The following RMC1 variants were observed in gnomAD, a reference collection of about 807,000 sequenced individuals.
RMC1 encodes the protein regulator of MON1-CCZ1 complex.
RMC1 carries 44 observed loss-of-function variants against 95.5 expected under a neutral mutation model. The observed-to-expected ratio is 0.46, with a 90% confidence interval of 0.36 to 0.59. The LOEUF (loss-of-function observed/expected upper bound fraction) is 0.59. RMC1 is among the 20% of genes least tolerant of loss of function. RMC1 has a pLI of 0.00. For missense variants in RMC1, 705 were observed against 819.6 expected (o/e 0.86, Z 1.71); for synonymous variants, 320 against 303.6 (o/e 1.05, Z -0.56).
chr18:23,510,947 C>T (rs762224824), intron 5 of RMC1, among the ~76,000 whole-genome samples: 3 of 152,184 alleles, frequency 2.0e-5, no homozygotes, highest in Non-Finnish European at 4.4e-5. Flanking sequence ...AGCAGAACTA[C>T]TGTTTGACCT....
chr18:23,531,433 T>TAAG, intron 19 of RMC1, 192 bp from the exon 20 acceptor site: 1 of 1,204,468 alleles, frequency 8.3e-7, no homozygotes, highest in Non-Finnish European at 1.1e-6. Flanking sequence ...AAGGACAGGT[T>TAAG]AGATAGAATC....
In RMC1 at chr18:23,527,851, C is replaced by G. The variant is rs1327141572; in HGVS notation, c.1246C>G (p.Leu416Val). 2.5e-6 allele frequency: 4 copies of G among 1,614,106 alleles called. No individual in the cohort carries two copies. The highest frequency in any genetic ancestry group is 3.4e-6 in the Non-Finnish European group (4 of 1,180,014). ...CGTGATAGCCACTGTTTTTGATAAA[C>G]TCAACCATGAGTATAAAAAGTACCT... is the stretch of plus-strand genomic sequence containing the variant. ...LPVIATVFDK[L>V]NHEYKKYLDA... Residue 416 changes from leucine (L) to valine (V), a missense_variant, in exon 14 of 20, where the codon CTC becomes GTC. Leu to Val is a conservative substitution (Grantham distance 32). Coordinates refer to ENST00000269221, the MANE Select transcript of RMC1 (RefSeq NM_013326.5).
At chr18:23,513,959 C>A (rs915971786) in intron 5 of RMC1, among the ~76,000 whole-genome samples, 1 of 152,144 alleles carries the variant, frequency 6.6e-6, no homozygotes, top group African/African-American at 2.4e-5. Context: ...GTATTTTCTC[C>A]GAATCCGGAG....
chr18:23,527,634 C>T (rs748749771), intron 13 of RMC1, among the ~76,000 whole-genome samples, 161 bp from the exon 14 acceptor site: 8 of 137,594 alleles, frequency 5.8e-5, no homozygotes, highest in South Asian at 2.2e-4. Context: ...AAAGGGGTTG[C>T]GAATGACATC....
In RMC1 at chr18:23,509,196, A is replaced by G. The variant is rs769786166; in HGVS notation, c.325A>G (p.Lys109Glu). 1.5e-6 allele frequency: 2 copies of G among 1,379,200 alleles called. No individual in the cohort carries two copies. The highest frequency in any genetic ancestry group is 1.9e-6 in the Non-Finnish European group (2 of 1,053,156). 85.4% of individuals were successfully genotyped at this position (1,379,200 alleles called of 1,614,324 possible). Residue 109 changes from lysine (K) to glutamate (E), a missense_variant, in exon 5 of 20, where the codon AAG (lysine) becomes GAG (glutamate). Coordinates refer to ENST00000269221, the MANE Select transcript of RMC1 (RefSeq NM_013326.5). ...ATTTTTAAAAAATTTTTCTTAGACT[A>G]AGAATGCCAACATTCTAGGATTCTG... ...QLEYTQECKTKNANILGFCWT... is the reference protein window; with the variant it reads ...QLEYTQECKTENANILGFCWT...
chr18:23,514,328 G>A lies in RMC1; in HGVS notation c.409-1528G>A, dbSNP rs148815780. 3.4e-3 allele frequency among the ~76,000 whole-genome samples: 513 copies of A among 152,268 alleles called. 4 individuals are homozygous for A. The highest frequency in any genetic ancestry group is 0.012 in the African/African-American group (491 of 41,556). On this transcript the variant is annotated intron_variant, in intron 5 of 19. Coordinates refer to ENST00000269221, the MANE Select transcript of RMC1 (RefSeq NM_013326.5). ...TCAGGAGTTCGAGACCAGCCTGGCC[G>A]CCATGGCGAAACCCCGTCTCTATTA...
intron 2 of RMC1, 66 bp downstream of exon 2, chr18:23,504,513 T>C: frequency 6.9e-7 from 1 of 1,444,154 alleles, no homozygotes; most frequent in South Asian, 1.1e-5. Context: ...CTAATTCAAA[T>C]GGTTTTTTAT....
intron 10 of RMC1, among the ~76,000 whole-genome samples, chr18:23,523,403 C>T (rs569554022): frequency 2.6e-5 from 4 of 152,018 alleles, no homozygotes; most frequent in Admixed American, 6.6e-5. Flanking sequence ...AATGGATAAT[C>T]GAACTAATTA....
intron 16 of RMC1, 26 bp from the exon 17 acceptor site, chr18:23,530,000 TTC>T: frequency 6.3e-7 from 1 of 1,574,984 alleles, no homozygotes; most frequent in Non-Finnish European, 8.7e-7. Flanking sequence ...TTTGGAAGTG[TTC>T]TTTCACTTTT....
chr18:23,505,308 C>T (rs964711442), intron 2 of RMC1, among the ~76,000 whole-genome samples: 7 of 152,148 alleles, frequency 4.6e-5, no homozygotes, highest in Admixed American at 6.5e-5. Context: ...ACGATCCGCC[C>T]GCCTCAGACT....
intron 2 of RMC1, among the ~76,000 whole-genome samples, chr18:23,505,846 G>C (rs367998786): frequency 2.5e-4 from 38 of 152,200 alleles, no homozygotes; most frequent in African/African-American, 8.7e-4. Context: ...GTTTGTGGGT[G>C]GGGGGAAGGT....
intron 3 of RMC1, 121 bp from the exon 4 acceptor site, chr18:23,507,864 G>C: frequency 1.3e-6 from 1 of 777,144 alleles, no homozygotes; most frequent in Non-Finnish European, 1.8e-6. Flanking sequence ...GTTGTCTTCA[G>C]TTATTTTCTG....
chr18:23,525,147 T>C (rs2058260294), intron 12 of RMC1, among the ~76,000 whole-genome samples: 1 of 151,398 alleles, frequency 6.6e-6, no homozygotes, highest in Non-Finnish European at 1.5e-5. Context: ...GGTTTTTCCA[T>C]GTTGGTCAGG....
At chr18:23,513,699 C>T (rs570622113) in intron 5 of RMC1, among the ~76,000 whole-genome samples, 25 of 152,318 alleles carry the variant, frequency 1.6e-4, no homozygotes, top group Middle Eastern at 3.4e-3. Context: ...TCCTCACCAA[C>T]ACTTGCTGTT....
In RMC1 at chr18:23,505,817, A is replaced by G. The variant is rs186161337; in HGVS notation, c.180-1153A>G. 6.2e-3 allele frequency among the ~76,000 whole-genome samples: 950 copies of G among 152,232 alleles called. 9 individuals are homozygous for G. Among genetic ancestry groups the G allele is most frequent in the African/African-American group, 0.021 (882 of 41,520 alleles). The stretch of plus-strand genomic sequence containing the variant: ...AAAACGAGTGAGCCCGTGATAATCT[A>G]GATTGGGGGCTCTAAGAAGTTTGTG... On this transcript the variant is annotated intron_variant, in intron 2 of 19. Coordinates refer to ENST00000269221, the MANE Select transcript of RMC1 (RefSeq NM_013326.5).
At chr18:23,521,084 A>G (rs1340945166) in intron 10 of RMC1, among the ~76,000 whole-genome samples, 1 of 151,904 alleles carries the variant, frequency 6.6e-6, no homozygotes, top group Non-Finnish European at 1.5e-5. Flanking sequence ...TGAACTCCTG[A>G]CCTCAGGTGA....
chr18:23,526,208 G>A (rs1436465435), intron 12 of RMC1, among the ~76,000 whole-genome samples: 6 of 152,206 alleles, frequency 3.9e-5, no homozygotes, highest in Admixed American at 1.3e-4. Context: ...GAGAGCCTCT[G>A]GAGTTACCTT....
intron 2 of RMC1, chr18:23,506,520 CA>C (rs1402931096): frequency 6.0e-6 from 1 of 165,820 alleles, no homozygotes; most frequent in Non-Finnish European, 1.3e-5. Flanking sequence ...CCGCTGTGCC[CA>C]GCTGAGTTCA....
intron 7 of RMC1, among the ~76,000 whole-genome samples, chr18:23,517,452 G>A (rs756607747): frequency 5.3e-5 from 8 of 151,998 alleles, no homozygotes; most frequent in Admixed American, 1.3e-4. Context: ...CTGGCAGTAC[G>A]GAGGTATATT....
Sources: allele counts gnomAD v4.1 joint callset (sites outside exome capture counted in the v4.1 genomes callset), GRCh38; gene constraint gnomAD v4.1.1; transcripts MANE v1.5; gene names NCBI Gene and HGNC (gene_info 2026-07-23, HGNC 2026-07-21).